Variants in STK32B observed in about 807,000 individuals in gnomAD.
STK32B encodes serine/threonine-protein kinase 32B.
STK32B carries 43 observed loss-of-function variants against 52.6 expected under a neutral mutation model. The observed-to-expected ratio is 0.82, with a 90% CI of 0.64 to 1.05. The LOEUF (loss-of-function observed/expected upper bound fraction) is 1.05, where lower values mean the gene tolerates loss of function less well. Among genes scored for constraint, STK32B ranks in the 50% least tolerant of loss-of-function variants. The pLI is 0.00. For synonymous variants in STK32B, 238 were observed against 204.3 expected (o/e 1.17, Z -1.41); for missense variants, 621 against 534.6 (o/e 1.16, Z -1.59).
chr4:5,244,984 G>A (rs945175751), intron 3 of STK32B, among the ~76,000 whole-genome samples: 2 of 152,154 alleles, frequency 1.3e-5, no homozygotes, highest in African/African-American at 4.8e-5. Flanking sequence ...GCTGAGGAGT[G>A]CTTTACTTCC....
Position 5,332,830 on chromosome 4 carries a change from A to G in STK32B, c.434+1437A>G, listed in dbSNP as rs143716274. 1.9e-3 allele frequency among the ~76,000 whole-genome samples: 284 copies of G among 152,198 alleles called. 8 individuals are homozygous for G. The East Asian group carries it at 0.048, about 26-fold the overall frequency. ...GTCTCAAAAAGGACATGAACTCATC[A>G]TTTTTTATGGCTGCATAGTATTCCA... On this transcript the variant is annotated intron_variant, in intron 4 of 11. Transcript: ENST00000282908.
chr4:5,081,179 C>G (rs10937621), intron 1 of STK32B, among the ~76,000 whole-genome samples: 17,806 of 152,106 alleles, frequency 0.12, 1,107 homozygotes, highest in East Asian at 0.17. Flanking sequence ...CTGACTAATA[C>G]GTTTAATATA....
At chr4:5,461,346 T>G (rs1198194584) in intron 9 of STK32B, among the ~76,000 whole-genome samples, 1 of 152,186 alleles carries the variant, frequency 6.6e-6, no homozygotes, top group Admixed American at 6.5e-5. Context: ...CTAGGCTGGT[T>G]CCTGGGGAGC....
chr4:5,228,459 T>C (rs1724022718), intron 3 of STK32B, among the ~76,000 whole-genome samples: 1 of 152,244 alleles, frequency 6.6e-6, no homozygotes, highest in Non-Finnish European at 1.5e-5. Flanking sequence ...GCCAGTGCAA[T>C]GGATAGCTTA....
At chr4:5,435,488 A>T (rs1713980989) in intron 6 of STK32B, among the ~76,000 whole-genome samples, 1 of 152,180 alleles carries the variant, frequency 6.6e-6, no homozygotes. Context: ...GCTAGCTCAA[A>T]GCCCATGCTA....
At chr4:5,106,295 C>T (rs1231035497) in intron 1 of STK32B, among the ~76,000 whole-genome samples, 1 of 151,946 alleles carries the variant, frequency 6.6e-6, no homozygotes, top group African/African-American at 2.4e-5. Flanking sequence ...AGTGAGACTC[C>T]ATCTCAAAAA....
the STK32B span, among the ~76,000 whole-genome samples, chr4:5,037,179 C>T: frequency 2.6e-5 from 4 of 152,190 alleles, no homozygotes; most frequent in Non-Finnish European, 5.9e-5. Context: ...GGGCCAGTAG[C>T]ACCACTTCAC....
At chr4:5,198,302 A>G (rs1273937047) in intron 3 of STK32B, among the ~76,000 whole-genome samples, 1 of 152,168 alleles carries the variant, frequency 6.6e-6, no homozygotes, top group East Asian at 1.9e-4. Flanking sequence ...AATTTATACC[A>G]CTTGACACGC....
chr4:5,382,292 T>C (rs1226403693), intron 4 of STK32B, among the ~76,000 whole-genome samples: 2 of 152,204 alleles, frequency 1.3e-5, no homozygotes, highest in Non-Finnish European at 1.5e-5. Flanking sequence ...CTCAAATTCC[T>C]TGAGCATAAG....
chr4:5,270,059 C>G (rs1246138679), intron 3 of STK32B, among the ~76,000 whole-genome samples: 1 of 152,192 alleles, frequency 6.6e-6, no homozygotes, highest in Non-Finnish European at 1.5e-5. Context: ...ATCCAACATT[C>G]ATTCCTGGTA....
intron 2 of STK32B, chr4:5,140,313 T>A (rs1400302120): frequency 1.5e-6 from 2 of 1,291,142 alleles, no homozygotes; most frequent in Non-Finnish European, 2.0e-6. Context: ...TTTGGTAAGT[T>A]CATATTTGTG....
At chr4:5,191,957 C>G (rs995785709) in intron 3 of STK32B, among the ~76,000 whole-genome samples, 1 of 152,214 alleles carries the variant, frequency 6.6e-6, no homozygotes, top group South Asian at 2.1e-4. Context: ...ATGCTCCCTG[C>G]AACCCCACTC....
intron 3 of STK32B, among the ~76,000 whole-genome samples, chr4:5,241,571 TTTA>T (rs1725025555): frequency 6.6e-6 from 1 of 151,726 alleles, no homozygotes; most frequent in African/African-American, 2.4e-5. Context: ...TTTTATTTTA[TTTA>T]TTTTTTTAAT....
intron 11 of STK32B, among the ~76,000 whole-genome samples, chr4:5,485,279 T>C (rs1719059340): frequency 6.6e-6 from 1 of 152,158 alleles, no homozygotes; most frequent in African/African-American, 2.4e-5. Flanking sequence ...TTGGAGGCTT[T>C]CTCGTTTCTT....
intron 3 of STK32B, among the ~76,000 whole-genome samples, chr4:5,194,653 C>T (rs1354596570): frequency 6.6e-6 from 1 of 152,128 alleles, no homozygotes; most frequent in Non-Finnish European, 1.5e-5. Context: ...AGTTCTCTCA[C>T]TGCTATAAAG....
the STK32B span, among the ~76,000 whole-genome samples, chr4:5,027,076 T>C: frequency 1.4e-4 from 21 of 152,208 alleles, no homozygotes; most frequent in Non-Finnish European, 2.8e-4. Flanking sequence ...GTAGACTGAA[T>C]ACCTAGCCGG....
chr4:5,402,977 A>G (rs1224999874), intron 5 of STK32B, among the ~76,000 whole-genome samples: 1 of 152,246 alleles, frequency 6.6e-6, no homozygotes, highest in African/African-American at 2.4e-5. Flanking sequence ...AGTGGGATTC[A>G]GAAACCTGAC....
chr4:5,131,690 C>G (rs1377830089), intron 1 of STK32B, among the ~76,000 whole-genome samples: 2 of 152,168 alleles, frequency 1.3e-5, no homozygotes, highest in East Asian at 3.9e-4. Flanking sequence ...TTCTCTCTGC[C>G]TGAAATAACC....
chr4:5,200,866 A>G (rs953913355), intron 3 of STK32B, among the ~76,000 whole-genome samples: 1 of 152,186 alleles, frequency 6.6e-6, no homozygotes, highest in Admixed American at 6.5e-5. Flanking sequence ...ACTAAGGTTC[A>G]GGCATCAGTA....
Sources: gnomAD v4.1 joint callset for allele counts (sites outside exome capture counted in the v4.1 genomes callset) on GRCh38, gnomAD v4.1.1 for gene constraint, MANE v1.5 for transcripts, NCBI Gene and HGNC (gene_info 2026-07-23, HGNC 2026-07-21) for gene names.